MRPL22: variants seen among roughly 807,000 people sequenced by gnomAD.
MRPL22 encodes the protein mitochondrial ribosomal protein L22.
MRPL22 carries 27 observed loss-of-function variants against 32.4 expected under a neutral mutation model. That is an observed-to-expected ratio of 0.83 (90% CI 0.61 to 1.15). The LOEUF (loss-of-function observed/expected upper bound fraction) is 1.15. Among genes scored for constraint, MRPL22 ranks in the 50% most tolerant of loss-of-function variants. The pLI is 0.00. For synonymous variants in MRPL22, 86 were observed against 87.3 expected (o/e 0.99, Z 0.08); for missense variants, 239 against 260.2 (o/e 0.92, Z 0.56).
intron 2 of MRPL22, among the ~76,000 whole-genome samples, chr5:154,946,976 A>G (rs1168796985): frequency 6.6e-6 from 1 of 152,226 alleles, no homozygotes; most frequent in Non-Finnish European, 1.5e-5. Context: ...TAATTTAAAA[A>G]TAACACTAGC....
At chr5:154,954,323 T>G (rs1391793317) in intron 3 of MRPL22, among the ~76,000 whole-genome samples, 1 of 152,242 alleles carries the variant, frequency 6.6e-6, no homozygotes, top group Non-Finnish European at 1.5e-5. Context: ...TTTCCTCATT[T>G]GAATTATTAT....
intron 2 of MRPL22, 127 bp downstream of exon 2, chr5:154,941,392 C>T (rs766357866): frequency 6.0e-5 from 68 of 1,138,500 alleles, no homozygotes; most frequent in African/African-American, 1.7e-4. Flanking sequence ...AATGAGACAG[C>T]CCGAGTCTCT....
chr5:154,966,666 CTCTTTTTCT>C lies in MRPL22; in HGVS notation c.410-17_410-9del, dbSNP rs1485243686. 4 of 1,611,694 alleles carry C rather than the reference CTCTTTTTCT, an allele frequency of 2.5e-6. No homozygotes were observed. The highest frequency in any genetic ancestry group is 3.4e-6 in the Non-Finnish European group (4 of 1,179,076). The stretch of plus-strand genomic sequence containing the variant: ...TGGATAACACTCATTTCCTGTAATT[CTCTTTTTCT>C]TCCTGTTTAGCTGAGTCCACCTCAG... On this transcript the variant is annotated splice_polypyrimidine_tract_variant and intron_variant, in intron 6 of 6. Transcript: ENST00000523037.
chr5:154,956,571 A>C lies in MRPL22; in HGVS notation c.261+135A>C, dbSNP rs946412140. 19 of 634,094 alleles carry C rather than the reference A, an allele frequency of 3.0e-5. 2 individuals carry two copies. The Admixed American group carries it at 3.6e-4, about 12-fold the overall frequency. The allele number at this position is 634,094 out of a possible 1,614,324, so 39.3% of individuals were successfully genotyped here. On this transcript the variant is annotated intron_variant, in intron 4 of 6. Transcript: ENST00000523037. ...AATGTGATATAATTGGTAGGTTGTC[A>C]AAAGAATGATTGTTCAGAGATGTAT... is the stretch of plus-strand genomic sequence containing the variant.
In MRPL22 at chr5:154,941,267, T is replaced by TG; in HGVS notation, c.77+3dup. 1 of 1,612,854 alleles carries TG rather than the reference T, an allele frequency of 6.2e-7. No homozygotes were observed. Among genetic ancestry groups the TG allele is most frequent in the Non-Finnish European group, 8.5e-7 (1 of 1,179,992 alleles). ...GAGCCGGGGGAAGCTGGCCTTGGGG[T>TG]GAGTCTCTCGCTTCGGAGTTTCGGA... On this transcript the variant is annotated splice_region_variant and intron_variant, in intron 2 of 6. Transcript: ENST00000523037.
At position 154,943,659 on chromosome 5, in the gene MRPL22, T is replaced by C. The variant is rs1033462006; in HGVS notation, c.77+2394T>C. 5.3e-5 allele frequency among the ~76,000 whole-genome samples: 8 copies of C among 151,182 alleles called. No individual in the cohort carries two copies. In the East Asian group the frequency reaches 5.8e-4, roughly 11 times the overall value. On this transcript the variant is annotated intron_variant, in intron 2 of 6. Transcript: ENST00000523037. ...ATACATACATGTATATACACACACATATATATATAGATATTAAAATTTTTT... is the reference window on the plus strand; with the variant it reads ...ATACATACATGTATATACACACACACATATATATAGATATTAAAATTTTTT...
chr5:154,941,401 C>T, intron 2 of MRPL22, 136 bp downstream of exon 2: 1 of 1,078,318 alleles, frequency 9.3e-7, no homozygotes, highest in East Asian at 2.6e-5. Flanking sequence ...GCCCGAGTCT[C>T]TGCTTTGTCA....
At chr5:154,944,374 G>T (rs893583282) in intron 2 of MRPL22, among the ~76,000 whole-genome samples, 5 of 152,122 alleles carry the variant, frequency 3.3e-5, no homozygotes, top group African/African-American at 1.2e-4. Context: ...GATTACAGAC[G>T]TGAGCCACCA....
intron 2 of MRPL22, among the ~76,000 whole-genome samples, chr5:154,945,272 T>C (rs560326306): frequency 1.3e-5 from 2 of 152,268 alleles, no homozygotes; most frequent in African/African-American, 4.8e-5. Flanking sequence ...CAGATCTTGT[T>C]GATGCATTGG....
At chr5:154,961,897 A>G (rs748722241) in intron 6 of MRPL22, among the ~76,000 whole-genome samples, 16 of 152,114 alleles carry the variant, frequency 1.1e-4, no homozygotes, top group Non-Finnish European at 1.5e-4. Flanking sequence ...TTAGATGCCT[A>G]TGCTGGTCTT....
chr5:154,968,871 A>G lies in MRPL22; in HGVS notation c.*1974A>G, dbSNP rs1402669226. 1 of 152,246 alleles carries G rather than the reference A, an allele frequency of 6.6e-6. No homozygotes were observed. The highest frequency in any genetic ancestry group is 1.5e-5 in the Non-Finnish European group (1 of 68,050). 9.4% of individuals were successfully genotyped at this position (152,246 alleles called of 1,614,324 possible). Reference sequence around the variant, plus strand: ...AATTTCCTTCCCAGGTTAAGCCTTCATTTGGAACTGCTTCCAGTACGTTAC... The same window carrying G: ...AATTTCCTTCCCAGGTTAAGCCTTCGTTTGGAACTGCTTCCAGTACGTTAC... On this transcript the variant is annotated 3_prime_UTR_variant, in exon 7 of 7. Transcript: ENST00000523037.
At position 154,957,187 on chromosome 5, in the gene MRPL22, A is replaced by T; in HGVS notation, c.314A>T (p.Lys105Ile). The T allele has an allele frequency of 6.2e-7, 1 of 1,613,690 alleles. No homozygotes were observed. Among genetic ancestry groups the T allele is most frequent in the South Asian group, 1.1e-5 (1 of 91,056 alleles). ...TTGGCTCAGTTGGAATTCAATGACA[A>T]AAAAGGGGCCAAAATAATTAAAGAG... Reference protein sequence around the residue: ...QALAQLEFNDKKGAKIIKEVL... With the variant: ...QALAQLEFNDIKGAKIIKEVL... Residue 105 changes from lysine to isoleucine, a missense_variant, in exon 5 of 7, where the codon AAA becomes ATA. Lys to Ile is a moderately radical substitution (Grantham distance 102). Transcript: ENST00000523037.
At chr5:154,963,510 A>C (rs966704472) in intron 6 of MRPL22, among the ~76,000 whole-genome samples, 1 of 152,218 alleles carries the variant, frequency 6.6e-6, no homozygotes, top group African/African-American at 2.4e-5. Context: ...TACTGTGTAT[A>C]CCATTAATAT....
At chr5:154,965,714 G>A (rs1764758259) in intron 6 of MRPL22, among the ~76,000 whole-genome samples, 1 of 152,082 alleles carries the variant, frequency 6.6e-6, no homozygotes, top group South Asian at 2.1e-4. Context: ...GAGCCACCGC[G>A]CCTGGCCCTT....
At position 154,960,514 on chromosome 5, in the gene MRPL22, T is replaced by C. The variant is rs180984915; in HGVS notation, c.409+465T>C. On this transcript the variant is annotated intron_variant, in intron 6 of 6. Transcript: ENST00000523037. ...TACAGTTATCAAAATGGAAGGTCTG[T>C]TGAATTGTAAAAGCCAAGGGGCCTT... Among the ~76,000 whole-genome samples the C allele has an allele frequency of 2.0e-5, 3 of 152,308 alleles. No homozygotes were observed. In the East Asian group the frequency reaches 5.8e-4, roughly 29 times the overall value.
chr5:154,962,905 A>G (rs960185957), intron 6 of MRPL22, among the ~76,000 whole-genome samples: 5 of 152,198 alleles, frequency 3.3e-5, no homozygotes, highest in African/African-American at 9.7e-5. Flanking sequence ...AATACTACTA[A>G]TAGGAAATAT....
chr5:154,950,743 G>A (rs967434940), intron 2 of MRPL22, 78 bp from the exon 3 acceptor site: 14 of 887,516 alleles, frequency 1.6e-5, no homozygotes, highest in Non-Finnish European at 2.4e-5. Context: ...TGGAGCTGAA[G>A]TGGTTCAAAA....
chr5:154,954,325 AATT>A (rs1490782872), intron 3 of MRPL22, among the ~76,000 whole-genome samples: 1 of 152,138 alleles, frequency 6.6e-6, no homozygotes, highest in East Asian at 1.9e-4. Context: ...TCCTCATTTG[AATT>A]ATTATATGCA....
At chr5:154,944,146 T>C (rs867484134) in intron 2 of MRPL22, among the ~76,000 whole-genome samples, 1 of 152,100 alleles carries the variant, frequency 6.6e-6, no homozygotes, top group African/African-American at 2.4e-5. Context: ...TTAGTAGAGA[T>C]GGGGTTTCAC....
Sources: allele counts gnomAD v4.1 joint callset (sites outside exome capture counted in the v4.1 genomes callset), GRCh38; gene constraint gnomAD v4.1.1; transcripts MANE v1.5; gene names NCBI Gene and HGNC (gene_info 2026-07-23, HGNC 2026-07-21).